The following GLCCI1 variants were observed in gnomAD, a reference collection of about 807,000 sequenced individuals.
GLCCI1 encodes glucocorticoid induced 1, also known as glucocorticoid-induced transcript 1 protein.
Under a neutral mutation model 52.2 loss-of-function variants are expected in GLCCI1, and 24 were observed. The ratio of observed to expected loss-of-function variants is 0.46; its 90% CI spans 0.33 to 0.65. The LOEUF (loss-of-function observed/expected upper bound fraction) is 0.65, where lower values mean the gene tolerates loss of function less well. Ranked by LOEUF, GLCCI1 falls within the 30% of genes least tolerant of loss-of-function variation. GLCCI1 has a pLI of 0.02. For synonymous variants in GLCCI1, 310 were observed against 276.5 expected, an observed-to-expected ratio of 1.12 and a Z score of -1.20; for missense variants, 704 against 701.5, an observed-to-expected ratio of 1.00 and a Z score of -0.04.
chr7:7,987,770 TTA>T (rs1562417862), intron 1 of GLCCI1, among the ~76,000 whole-genome samples: 3 of 151,852 alleles, frequency 2.0e-5, no homozygotes, highest in African/African-American at 2.4e-5. Context: ...TTTTTATTTT[TTA>T]TTTTTTTTAG....
At chr7:8,035,530 C>T (rs1041241112) in intron 3 of GLCCI1, among the ~76,000 whole-genome samples, 6 of 152,102 alleles carry the variant, frequency 3.9e-5, no homozygotes, top group Non-Finnish European at 8.8e-5. Context: ...TCAAGCTGGG[C>T]CCAGGCTTGT....
intron 5 of GLCCI1, among the ~76,000 whole-genome samples, chr7:8,064,696 G>A (rs1782591745): frequency 1.3e-5 from 2 of 152,092 alleles, no homozygotes; most frequent in South Asian, 4.2e-4. Flanking sequence ...TGGACAGTAT[G>A]GCTTTTTATT....
chr7:8,044,382 T>C (rs1052257111), intron 3 of GLCCI1, among the ~76,000 whole-genome samples: 7 of 151,430 alleles, frequency 4.6e-5, no homozygotes, highest in African/African-American at 1.5e-4. Context: ...TTTTTTTTTT[T>C]CTTTTGAGAC....
rs200860587 is a variant in GLCCI1, at chr7:8,046,145, GAATT to G, written c.697-9287_697-9284del. On this transcript the variant is annotated intron_variant, in intron 3 of 7. Coordinates refer to ENST00000223145, the MANE Select transcript of GLCCI1 (RefSeq NM_138426.4). ...AGTCAAGTTGGCATAACGGAAGAGA[GAATT>G]CATGAATCAGAACTATCAGCTGGGA... Among the ~76,000 whole-genome samples, 1,154 of 145,586 alleles carry G rather than the reference GAATT, an allele frequency of 7.9e-3. 10 individuals are homozygous for G. Among genetic ancestry groups the G allele is most frequent in the African/African-American group, 0.028 (1,080 of 38,772 alleles).
At chr7:7,975,748 C>T (rs1420435324) in intron 1 of GLCCI1, among the ~76,000 whole-genome samples, 2 of 152,022 alleles carry the variant, frequency 1.3e-5, no homozygotes, top group Non-Finnish European at 2.9e-5. Context: ...TTCTTTCTTG[C>T]ATATAAGGAG....
At chr7:8,060,930 C>T (rs1782500950) in intron 5 of GLCCI1, among the ~76,000 whole-genome samples, 1 of 152,084 alleles carries the variant, frequency 6.6e-6, no homozygotes, top group Admixed American at 6.5e-5. Context: ...TTGTATATTC[C>T]TACCAGTGTA....
intron 4 of GLCCI1, 151 bp from the exon 5 acceptor site, chr7:8,059,945 A>C (rs1382047589): frequency 1.6e-6 from 1 of 621,316 alleles, no homozygotes; most frequent in Non-Finnish European, 2.7e-6. Flanking sequence ...TCAGAACCTA[A>C]ATTTCTATAT....
At chr7:8,025,760 G>A (rs1781606114) in intron 3 of GLCCI1, among the ~76,000 whole-genome samples, 1 of 152,094 alleles carries the variant, frequency 6.6e-6, no homozygotes, top group South Asian at 2.1e-4. Flanking sequence ...TTTAACAGCT[G>A]ACTTTAAAAT....
chr7:8,085,603 G>C (rs1315293607), intron 7 of GLCCI1, among the ~76,000 whole-genome samples: 3 of 152,158 alleles, frequency 2.0e-5, no homozygotes, highest in South Asian at 2.1e-4. Context: ...CTAGTGGAGG[G>C]TGCAGTGCTC....
At chr7:8,046,019 A>G (rs1782116327) in intron 3 of GLCCI1, among the ~76,000 whole-genome samples, 1 of 152,146 alleles carries the variant, frequency 6.6e-6, no homozygotes, top group South Asian at 2.1e-4. Context: ...ATAATTCACT[A>G]TGAGAATAGA....
chr7:8,048,276 G>C (rs1180536208), intron 3 of GLCCI1, among the ~76,000 whole-genome samples: 1 of 151,804 alleles, frequency 6.6e-6, no homozygotes, highest in East Asian at 1.9e-4. Flanking sequence ...TAAAATTCTA[G>C]AAATAACCTT....
intron 4 of GLCCI1, among the ~76,000 whole-genome samples, chr7:8,056,405 C>G (rs1369610383): frequency 6.6e-6 from 1 of 152,192 alleles, no homozygotes; most frequent in Non-Finnish European, 1.5e-5. Context: ...AGCAACTATG[C>G]ACATTATCTC....
chr7:8,036,334 A>G (rs1781867695), intron 3 of GLCCI1, among the ~76,000 whole-genome samples: 1 of 152,204 alleles, frequency 6.6e-6, no homozygotes. Flanking sequence ...TTCAGTGGAA[A>G]GCACCCAGAA....
chr7:8,069,101 A>G (rs1346381384), intron 5 of GLCCI1, among the ~76,000 whole-genome samples: 1 of 152,086 alleles, frequency 6.6e-6, no homozygotes, highest in African/African-American at 2.4e-5. Flanking sequence ...TGGCACTCCC[A>G]GGCTGCAGCC....
At position 8,003,823 on chromosome 7, in the gene GLCCI1, A is replaced by G. The variant is rs1781093469; in HGVS notation, c.458-85A>G. The stretch of plus-strand genomic sequence containing the variant: ...ATATATCACAGGAAAAATTGACAGG[A>G]TGACATTCTACAAACTATGAAGTTA... On this transcript the variant is annotated intron_variant, in intron 1 of 7. Transcript: ENST00000223145. 2.1e-5 allele frequency: 26 copies of G among 1,226,704 alleles called. No homozygotes were observed. In the South Asian group the frequency reaches 3.4e-4, roughly 16 times the overall value. The allele number at this position is 1,226,704 out of a possible 1,614,324, so 76.0% of individuals were successfully genotyped here. A position where few individuals can be genotyped will look rare whatever the true frequency, so the allele number is the denominator to read the frequency against.
chr7:8,011,632 C>T (rs1273957483), intron 2 of GLCCI1, among the ~76,000 whole-genome samples: 2 of 152,150 alleles, frequency 1.3e-5, no homozygotes, highest in South Asian at 2.1e-4. Flanking sequence ...TTTCGAGTCT[C>T]GGCTTTCAGT....
chr7:8,036,372 A>ATAT (rs1389982071), intron 3 of GLCCI1, among the ~76,000 whole-genome samples: 3 of 152,208 alleles, frequency 2.0e-5, no homozygotes, highest in Non-Finnish European at 4.4e-5. Context: ...TACACAACAT[A>ATAT]TATTATAGTC....
At chr7:8,038,805 A>G (rs1440837842) in intron 3 of GLCCI1, among the ~76,000 whole-genome samples, 6 of 152,176 alleles carry the variant, frequency 3.9e-5, no homozygotes, top group African/African-American at 1.4e-4. Context: ...AGCAAAATAA[A>G]TAACAGAGAA....
intron 5 of GLCCI1, among the ~76,000 whole-genome samples, chr7:8,062,845 A>T (rs1016268853): frequency 2.0e-5 from 3 of 152,218 alleles, no homozygotes; most frequent in African/African-American, 7.2e-5. Flanking sequence ...TATATGTACC[A>T]CATTTTCTTT....
Sources: gnomAD v4.1 joint callset for allele counts (sites outside exome capture counted in the v4.1 genomes callset) on GRCh38, gnomAD v4.1.1 for gene constraint, MANE v1.5 for transcripts, NCBI Gene and HGNC (gene_info 2026-07-23, HGNC 2026-07-21) for gene names.